The following IGF1 variants were observed in gnomAD, a reference collection of about 807,000 sequenced individuals.
IGF1 encodes insulin like growth factor 1.
Under a neutral mutation model 13.8 loss-of-function variants are expected in IGF1, and 4 were observed. That is an observed-to-expected ratio of 0.29 (90% CI 0.14 to 0.66). The LOEUF (loss-of-function observed/expected upper bound fraction) is 0.66. Among genes scored for constraint, IGF1 ranks in the 30% least tolerant of loss-of-function variants. The pLI, the probability that IGF1 is intolerant of heterozygous loss-of-function variation, is 0.78. For synonymous variants in IGF1, 76 were observed against 72.6 expected (o/e 1.05, Z -0.23); for missense variants, 124 against 188.5 (o/e 0.66, Z 2.00).
intron 1 of IGF1, among the ~76,000 whole-genome samples, chr12:102,477,023 G>A (rs5742615): frequency 0.018 from 2,766 of 152,170 alleles, 37 homozygotes; most frequent in Middle Eastern, 0.034. Flanking sequence ...GGTGAGGGGC[G>A]CTATTAAAAG....
At chr12:102,410,919 C>T (rs1301249393) in intron 3 of IGF1, among the ~76,000 whole-genome samples, 3 of 152,154 alleles carry the variant, frequency 2.0e-5, no homozygotes, top group Non-Finnish European at 4.4e-5. Context: ...TGATGGGGGC[C>T]TTCAGCATAT....
At chr12:102,424,555 G>A (rs576736969) in intron 2 of IGF1, among the ~76,000 whole-genome samples, 12 of 152,104 alleles carry the variant, frequency 7.9e-5, no homozygotes, top group East Asian at 3.9e-4. Context: ...TCCCTGGGCC[G>A]CCTTATTTAA....
At chr12:102,433,077 C>G (rs2137057116) in intron 2 of IGF1, among the ~76,000 whole-genome samples, 1 of 152,230 alleles carries the variant, frequency 6.6e-6, no homozygotes, top group East Asian at 1.9e-4. Flanking sequence ...AACTCAGGTC[C>G]TCTCTGGAGA....
intron 2 of IGF1, among the ~76,000 whole-genome samples, chr12:102,436,305 G>A (rs376449031): frequency 1.3e-5 from 2 of 152,154 alleles, no homozygotes; most frequent in African/African-American, 2.4e-5. Flanking sequence ...AGATTCCCCC[G>A]CCAAATGGAA....
chr12:102,458,649 A>G (rs897189013), intron 2 of IGF1, among the ~76,000 whole-genome samples: 17 of 144,872 alleles, frequency 1.2e-4, no homozygotes, highest in Admixed American at 7.1e-5. Context: ...TGAGGGAGTA[A>G]GTGGGAACTT....
At chr12:102,441,181 T>C (rs1456945053) in intron 2 of IGF1, among the ~76,000 whole-genome samples, 1 of 152,162 alleles carries the variant, frequency 6.6e-6, no homozygotes, top group Admixed American at 6.5e-5. Flanking sequence ...AAAGTCAATC[T>C]TTGCCATTGA....
intron 2 of IGF1, among the ~76,000 whole-genome samples, chr12:102,455,500 T>C (rs1879311986): frequency 6.6e-6 from 1 of 152,224 alleles, no homozygotes; most frequent in South Asian, 2.1e-4. Context: ...AGTTGACAAG[T>C]TAAGTTCATT....
At chr12:102,434,181 G>T (rs1368392193) in intron 2 of IGF1, among the ~76,000 whole-genome samples, 1 of 150,038 alleles carries the variant, frequency 6.7e-6, no homozygotes, top group African/African-American at 2.5e-5. Flanking sequence ...TAAGTTTTAG[G>T]GTACATGTGC....
intron 3 of IGF1, among the ~76,000 whole-genome samples, chr12:102,410,212 T>C (rs1874513762): frequency 2.0e-5 from 3 of 152,088 alleles, no homozygotes; most frequent in Non-Finnish European, 4.4e-5. Flanking sequence ...GAAAAAAAAA[T>C]GCCAAGGGTA....
chr12:102,422,372 C>T (rs562402975), intron 2 of IGF1, among the ~76,000 whole-genome samples: 1 of 152,182 alleles, frequency 6.6e-6, no homozygotes, highest in East Asian at 1.9e-4. Flanking sequence ...ACTCATTGTA[C>T]GTCATTGGGA....
chr12:102,433,030 C>A (rs549494061), intron 2 of IGF1, among the ~76,000 whole-genome samples: 11 of 152,216 alleles, frequency 7.2e-5, no homozygotes, highest in Admixed American at 3.3e-4. Context: ...GAGTTTGCAT[C>A]CTAAATAACA....
intron 2 of IGF1, among the ~76,000 whole-genome samples, chr12:102,420,564 C>T (rs530537318): frequency 3.0e-4 from 46 of 152,050 alleles, no homozygotes; most frequent in African/African-American, 1.0e-3. Context: ...CACTATTGAC[C>T]GTGTACAGAA....
At chr12:102,432,526 C>T (rs1201783129) in intron 2 of IGF1, among the ~76,000 whole-genome samples, 1 of 152,114 alleles carries the variant, frequency 6.6e-6, no homozygotes, top group Non-Finnish European at 1.5e-5. Flanking sequence ...GAATTATATC[C>T]AGATTTTCTC....
intron 2 of IGF1, among the ~76,000 whole-genome samples, chr12:102,447,507 T>C (rs748456051): frequency 6.6e-6 from 1 of 152,210 alleles, no homozygotes; most frequent in Non-Finnish European, 1.5e-5. Flanking sequence ...TCTTTGTTGG[T>C]TTAAAGTCTG....
intron 3 of IGF1, among the ~76,000 whole-genome samples, chr12:102,404,300 G>A (rs990729522): frequency 2.0e-5 from 3 of 152,224 alleles, no homozygotes; most frequent in Non-Finnish European, 4.4e-5. Flanking sequence ...ACAGACCTGA[G>A]ACCTGGAGAA....
chr12:102,442,181 T>A (rs1460009834), intron 2 of IGF1, among the ~76,000 whole-genome samples: 1 of 151,192 alleles, frequency 6.6e-6, no homozygotes, highest in Admixed American at 6.6e-5. Flanking sequence ...ACTCCTCAGC[T>A]CAAGCAATTT....
intron 2 of IGF1, among the ~76,000 whole-genome samples, chr12:102,452,222 A>G (rs897215511): frequency 8.2e-6 from 1 of 122,676 alleles, no homozygotes; most frequent in African/African-American, 3.0e-5. Context: ...AGATCGCGCC[A>G]CTGCACTCCA....
chr12:102,447,160 T>C (rs1407380141), intron 2 of IGF1, among the ~76,000 whole-genome samples: 1 of 152,212 alleles, frequency 6.6e-6, no homozygotes, highest in Non-Finnish European at 1.5e-5. Context: ...TGGTCAATTT[T>C]AGAATAAGTG....
intron 2 of IGF1, among the ~76,000 whole-genome samples, chr12:102,433,765 A>G (rs1876954969): frequency 6.6e-6 from 1 of 152,220 alleles, no homozygotes; most frequent in Non-Finnish European, 1.5e-5. Flanking sequence ...GAGAAGCAAT[A>G]GAAGAAATTT....
Sources: allele counts gnomAD v4.1 joint callset (sites outside exome capture counted in the v4.1 genomes callset), GRCh38; gene constraint gnomAD v4.1.1; transcripts MANE v1.5; gene names NCBI Gene and HGNC (gene_info 2026-07-23, HGNC 2026-07-21).